The following C12orf42 variants were observed in gnomAD, a reference collection of about 807,000 sequenced individuals.
C12orf42 encodes chromosome 12 open reading frame 42.
In C12orf42, 25 loss-of-function variants were observed where a neutral mutation model predicts 21.6. That is an observed-to-expected ratio of 1.16 (90% CI 0.84 to 1.62). The LOEUF (loss-of-function observed/expected upper bound fraction) is 1.62. C12orf42 is among the 40% of genes most tolerant of loss of function. C12orf42 has a pLI of 0.00. For synonymous variants in C12orf42, 174 were observed against 175.0 expected, an observed-to-expected ratio of 0.99 and a Z score of 0.05; for missense variants, 483 against 459.3, an observed-to-expected ratio of 1.05 and a Z score of -0.47.
chr12:103,359,231 T>G (rs372895086), intron 4 of C12orf42, among the ~76,000 whole-genome samples: 4 of 152,088 alleles, frequency 2.6e-5, no homozygotes, highest in African/African-American at 4.8e-5. Flanking sequence ...GTCTAAGGTA[T>G]ATAGCTTTTA....
intron 2 of C12orf42, among the ~76,000 whole-genome samples, chr12:103,426,921 T>C (rs1388708955): frequency 1.3e-5 from 2 of 152,118 alleles, no homozygotes; most frequent in East Asian, 1.9e-4. Flanking sequence ...GAGATTTTGT[T>C]ACCACCAGGC....
chr12:103,089,466 T>A, the C12orf42 span, among the ~76,000 whole-genome samples: 2 of 152,212 alleles, frequency 1.3e-5, no homozygotes, highest in Admixed American at 1.3e-4. Context: ...TTACAGGGCG[T>A]ATCTTCTTCT....
the C12orf42 span, among the ~76,000 whole-genome samples, chr12:103,127,423 T>C: frequency 2.0e-5 from 3 of 152,162 alleles, no homozygotes; most frequent in African/African-American, 7.2e-5. Context: ...AAAACTGTGG[T>C]CTATAACATG....
At chr12:103,216,319 A>G in the C12orf42 span, among the ~76,000 whole-genome samples, 23 of 152,178 alleles carry the variant, frequency 1.5e-4, no homozygotes, top group African/African-American at 4.1e-4. Flanking sequence ...TTTACACTTT[A>G]AAATGTGAAA....
chr12:103,308,340 A>G (rs147444456), intron 4 of C12orf42, among the ~76,000 whole-genome samples: 112 of 152,354 alleles, frequency 7.4e-4, no homozygotes, highest in African/African-American at 2.5e-3. Context: ...AATCAAATTA[A>G]CAGTTGTTTC....
chr12:103,557,261 T>C, the C12orf42 span, among the ~76,000 whole-genome samples: 1 of 152,136 alleles, frequency 6.6e-6, no homozygotes, highest in Non-Finnish European at 1.5e-5. Flanking sequence ...ACAGAAAATA[T>C]GTCCAAAAGC....
the C12orf42 span, among the ~76,000 whole-genome samples, chr12:103,094,226 C>T: frequency 6.6e-6 from 1 of 152,186 alleles, no homozygotes; most frequent in Non-Finnish European, 1.5e-5. Context: ...TGCTGTCAGG[C>T]TAACCTTCTT....
the C12orf42 span, among the ~76,000 whole-genome samples, chr12:103,113,272 C>T: frequency 7.9e-5 from 12 of 152,238 alleles, no homozygotes; most frequent in East Asian, 9.6e-4. Flanking sequence ...TTACTGCTTT[C>T]GGCGTCCTTC....
At chr12:103,233,351 T>G (rs1258501553), downstream of C12orf42, among the ~76,000 whole-genome samples, 3 of 152,190 alleles carry the variant, frequency 2.0e-5, no homozygotes, top group Admixed American at 6.5e-5. Context: ...TTTGCCAATA[T>G]CCACAAAATA....
chr12:103,485,383 T>C (rs575043551), intron 1 of C12orf42, among the ~76,000 whole-genome samples: 1 of 152,302 alleles, frequency 6.6e-6, no homozygotes, highest in East Asian at 1.9e-4. Context: ...AGCCTTGTAG[T>C]TTAGTTTGAA....
the C12orf42 span, among the ~76,000 whole-genome samples, chr12:103,176,904 G>A: frequency 6.6e-6 from 1 of 152,090 alleles, no homozygotes; most frequent in Non-Finnish European, 1.5e-5. Flanking sequence ...GTGGAAACAG[G>A]TAGACCTGAT....
intron 10 of C12orf42, among the ~76,000 whole-genome samples, chr12:103,239,935 A>T (rs1217703426): frequency 6.6e-6 from 1 of 152,160 alleles, no homozygotes; most frequent in African/African-American, 2.4e-5. Flanking sequence ...AATAAATCAG[A>T]AGTAGGAAAG....
At chr12:103,538,853 G>A in the C12orf42 span, among the ~76,000 whole-genome samples, 1 of 152,152 alleles carries the variant, frequency 6.6e-6, no homozygotes, top group Admixed American at 6.5e-5. Flanking sequence ...GATCCAAGGA[G>A]ACTGAGGAAG....
the C12orf42 span, among the ~76,000 whole-genome samples, chr12:103,056,746 G>T: frequency 6.6e-6 from 1 of 151,954 alleles, no homozygotes; most frequent in African/African-American, 2.4e-5. Flanking sequence ...GGACACATCC[G>T]TTGAGTTTTT....
the C12orf42 span, among the ~76,000 whole-genome samples, chr12:103,229,911 C>T: frequency 6.6e-6 from 1 of 152,154 alleles, no homozygotes; most frequent in Non-Finnish European, 1.5e-5. Context: ...CAAGAAGCCA[C>T]CACATCCGAG....
chr12:103,400,650 A>T (rs1197342160), intron 3 of C12orf42, among the ~76,000 whole-genome samples: 1 of 152,206 alleles, frequency 6.6e-6, no homozygotes, highest in Non-Finnish European at 1.5e-5. Flanking sequence ...CTTTTCTACT[A>T]TTGGCCTTTT....
chr12:103,080,833 A>G, the C12orf42 span: 1 of 152,340 alleles, frequency 6.6e-6, no homozygotes, highest in African/African-American at 2.4e-5. Flanking sequence ...TTCATATAAA[A>G]ATCTTATGAG....
chr12:103,312,985 C>T (rs555100464), intron 4 of C12orf42, among the ~76,000 whole-genome samples: 4 of 152,332 alleles, frequency 2.6e-5, no homozygotes, highest in African/African-American at 9.6e-5. Context: ...CCACTTCACA[C>T]CCACTTCTTG....
intron 4 of C12orf42, among the ~76,000 whole-genome samples, chr12:103,360,838 A>C (rs1045258353): frequency 6.6e-6 from 1 of 152,164 alleles, no homozygotes; most frequent in Non-Finnish European, 1.5e-5. Flanking sequence ...TGGGGGAATC[A>C]CTAATGCTCA....
Sources: allele counts gnomAD v4.1 joint callset (sites outside exome capture counted in the v4.1 genomes callset), GRCh38; gene constraint gnomAD v4.1.1; transcripts MANE v1.5; gene names NCBI Gene and HGNC (gene_info 2026-07-23, HGNC 2026-07-21).